Variants in KCNJ1 observed in about 807,000 individuals in gnomAD.
KCNJ1 encodes potassium inwardly rectifying channel subfamily J member 1.
Under a neutral mutation model 21.9 loss-of-function variants are expected in KCNJ1, and 24 were observed. That is an observed-to-expected ratio of 1.10 (90% CI 0.79 to 1.54). KCNJ1 has a LOEUF of 1.54. Ranked by LOEUF, KCNJ1 falls within the 40% of genes most tolerant of loss-of-function variation. The probability of loss-of-function intolerance (pLI) is 0.00; values close to 1 mark genes in which losing one functional copy is unlikely to be tolerated. For synonymous variants in KCNJ1, 152 were observed against 160.9 expected, an observed-to-expected ratio of 0.94 and a Z score of 0.42; for missense variants, 457 against 455.4, an observed-to-expected ratio of 1.00 and a Z score of -0.03.
At chr11:128,860,387 A>G (rs1312532064) in intron 1 of KCNJ1, among the ~76,000 whole-genome samples, 2 of 152,242 alleles carry the variant, frequency 1.3e-5, no homozygotes, top group Non-Finnish European at 2.9e-5. Flanking sequence ...ACCGTCTGAT[A>G]TAAGTGCGTG....
chr11:128,857,404 C>T (rs1272389642), intron 1 of KCNJ1, among the ~76,000 whole-genome samples: 1 of 152,180 alleles, frequency 6.6e-6, no homozygotes, highest in East Asian at 1.9e-4. Flanking sequence ...AGAACACACC[C>T]TCCAGGACAG....
Position 128,839,475 on chromosome 11 carries a change from T to A in KCNJ1, c.769A>T (p.Ser257Cys). The change falls in exon 3 of 3, where the codon AGC (serine) becomes TGC (cysteine). Residue 257 changes from serine (S) to cysteine (C), a missense_variant. Coordinates refer to ENST00000392666, the MANE Select transcript of KCNJ1 (RefSeq NM_153766.3). ...LTIYHVIDHN[S>C]PFFHMAAETL... ...TCCGCTGCCATGTGGAAGAAAGGGC[T>A]GTTGTGATCAATGACATGGTAAATT... 1 of 1,614,212 alleles carries A rather than the reference T, an allele frequency of 6.2e-7. No individual in the cohort carries two copies. The highest frequency in any genetic ancestry group is 8.5e-7 in the Non-Finnish European group (1 of 1,180,018).
chr11:128,856,622 A>G (rs1168163559), intron 1 of KCNJ1, among the ~76,000 whole-genome samples: 1 of 152,178 alleles, frequency 6.6e-6, no homozygotes, highest in Non-Finnish European at 1.5e-5. Context: ...CACTGAATAC[A>G]ACTGATTTCA....
At chr11:128,858,384 C>T (rs75703000) in intron 1 of KCNJ1, among the ~76,000 whole-genome samples, 13,728 of 152,072 alleles carry the variant, frequency 0.09, 1,201 homozygotes, top group African/African-American at 0.23. Flanking sequence ...CTCTGCACCA[C>T]CATATTTGAT....
In KCNJ1 at chr11:128,847,897, C is replaced by A. The variant is rs191951566; in HGVS notation, c.-22+2824G>T. Among the ~76,000 whole-genome samples, 28 of 152,218 alleles carry A rather than the reference C, an allele frequency of 1.8e-4. No individual in the cohort carries two copies. The East Asian group carries it at 4.3e-3, about 23-fold the overall frequency. ...TGTTTATTTATTTTTGAGACAGGGT[C>A]TCACTCTGTCATCCAGATTGGAGTG... On this transcript the variant is annotated intron_variant, in intron 2 of 2. Coordinates refer to ENST00000392666, the MANE Select transcript of KCNJ1 (RefSeq NM_153766.3).
chr11:128,861,437 G>A (rs147553167), intron 1 of KCNJ1, among the ~76,000 whole-genome samples: 18 of 152,302 alleles, frequency 1.2e-4, no homozygotes, highest in Admixed American at 3.9e-4. Flanking sequence ...TGAGCAGCAG[G>A]GCTAGCGGGT....
At chr11:128,867,079 T>G (rs1410414619) in intron 1 of KCNJ1, 94 bp downstream of exon 1, 1 of 152,194 alleles carries the variant, frequency 6.6e-6, no homozygotes, top group Non-Finnish European at 1.5e-5. Flanking sequence ...CAGACAAGTC[T>G]GCCTAGATTT....
At chr11:128,863,155 T>C (rs1329218796) in intron 1 of KCNJ1, among the ~76,000 whole-genome samples, 1 of 152,224 alleles carries the variant, frequency 6.6e-6, no homozygotes, top group Non-Finnish European at 1.5e-5. Flanking sequence ...ACCTGTTGCT[T>C]TCAATTGTGT....
At chr11:128,863,202 G>A (rs1442052404) in intron 1 of KCNJ1, among the ~76,000 whole-genome samples, 1 of 152,164 alleles carries the variant, frequency 6.6e-6, no homozygotes, top group Non-Finnish European at 1.5e-5. Flanking sequence ...TGGGGATATG[G>A]TGACACACTG....
At chr11:128,853,566 G>A (rs561788961) in intron 1 of KCNJ1, among the ~76,000 whole-genome samples, 12 of 152,276 alleles carry the variant, frequency 7.9e-5, no homozygotes, top group East Asian at 7.7e-4. Flanking sequence ...AAAATGTTCC[G>A]GTATTGATTG....
intron 1 of KCNJ1, among the ~76,000 whole-genome samples, chr11:128,857,974 A>C (rs1210025860): frequency 1.3e-5 from 2 of 152,212 alleles, no homozygotes; most frequent in African/African-American, 4.8e-5. Context: ...TGGCTTAATA[A>C]AGGGTTTAAA....
intron 2 of KCNJ1, among the ~76,000 whole-genome samples, chr11:128,844,559 A>AT (rs1285324115): frequency 2.0e-5 from 3 of 152,180 alleles, no homozygotes; most frequent in African/African-American, 7.2e-5. Flanking sequence ...TATGTGCTTC[A>AT]TTTTTATGCA....
chr11:128,859,750 T>C (rs1417880614), intron 1 of KCNJ1, among the ~76,000 whole-genome samples: 1 of 152,162 alleles, frequency 6.6e-6, no homozygotes, highest in African/African-American at 2.4e-5. Flanking sequence ...GCATCTGTAG[T>C]GGGAGCCGCC....
At chr11:128,863,872 C>T (rs1226104627) in intron 1 of KCNJ1, among the ~76,000 whole-genome samples, 1 of 152,000 alleles carries the variant, frequency 6.6e-6, no homozygotes, top group Non-Finnish European at 1.5e-5. Context: ...GTAAGAGCAT[C>T]GTTCTTTTTT....
intron 2 of KCNJ1, among the ~76,000 whole-genome samples, chr11:128,841,629 G>A (rs531892484): frequency 2.6e-5 from 4 of 152,256 alleles, no homozygotes; most frequent in East Asian, 3.9e-4. Context: ...CTTGAAAAAT[G>A]TGTTTATTCG....
rs191121237 is a variant in KCNJ1 at position 128,838,984 on chromosome 11, C to T, written c.*141G>A. 3,067 of 710,460 alleles carry T rather than the reference C, an allele frequency of 4.3e-3. 13 individuals carry two copies. Among genetic ancestry groups the T allele is most frequent in the Non-Finnish European group, 5.8e-3 (2,386 of 411,696 alleles). The allele number at this position is 710,460 out of a possible 1,614,324, so 44.0% of individuals were successfully genotyped here. ...TGCATGTCTTGTGGGATCACAATTGCGGGGCTCAGGGGTCTTTGTGCTGGT... is the reference window on the plus strand; with the variant it reads ...TGCATGTCTTGTGGGATCACAATTGTGGGGCTCAGGGGTCTTTGTGCTGGT... On this transcript the variant is annotated 3_prime_UTR_variant, in exon 3 of 3. Transcript: ENST00000392666.
At chr11:128,858,712 T>C (rs1943639955) in intron 1 of KCNJ1, among the ~76,000 whole-genome samples, 1 of 152,172 alleles carries the variant, frequency 6.6e-6, no homozygotes, top group Admixed American at 6.5e-5. Flanking sequence ...TATGTCACTC[T>C]GTGACATAGA....
intron 2 of KCNJ1, among the ~76,000 whole-genome samples, chr11:128,847,741 G>A (rs1237737): frequency 0.47 from 72,258 of 152,150 alleles, 18,749 homozygotes; most frequent in African/African-American, 0.69. Context: ...AACCCGGGCA[G>A]GGTGTTTGTG....
intron 1 of KCNJ1, among the ~76,000 whole-genome samples, chr11:128,863,515 C>A (rs944375230): frequency 6.6e-6 from 1 of 152,168 alleles, no homozygotes; most frequent in East Asian, 1.9e-4. Context: ...TAACAACAGG[C>A]TTCTTCTGAG....
Sources: allele counts gnomAD v4.1 joint callset (sites outside exome capture counted in the v4.1 genomes callset), GRCh38; gene constraint gnomAD v4.1.1; transcripts MANE v1.5; gene names NCBI Gene and HGNC (gene_info 2026-07-23, HGNC 2026-07-21).